LGSN: variants seen among roughly 807,000 people sequenced by gnomAD.
LGSN encodes lengsin.
In LGSN, 21 loss-of-function variants were observed where a neutral mutation model predicts 19.5. That is an observed-to-expected ratio of 1.07 (90% CI 0.76 to 1.55). LGSN has a LOEUF of 1.55. Ranked by LOEUF, LGSN falls within the 40% of genes most tolerant of loss-of-function variation. LGSN has a pLI of 0.00. For synonymous variants in LGSN, 257 were observed against 215.6 expected, an observed-to-expected ratio of 1.19 and a Z score of -1.68; for missense variants, 673 against 608.5, an observed-to-expected ratio of 1.11 and a Z score of -1.12.
At chr6:63,329,198 A>G in the LGSN span, among the ~76,000 whole-genome samples, 1 of 152,350 alleles carries the variant, frequency 6.6e-6, no homozygotes, top group South Asian at 2.1e-4. Context: ...ATCTTGGGCC[A>G]GTGCCTGACC....
At chr6:63,357,554 GT>G in the LGSN span, among the ~76,000 whole-genome samples, 1 of 152,164 alleles carries the variant, frequency 6.6e-6, no homozygotes, top group Non-Finnish European at 1.5e-5. Context: ...TCTCATTGTG[GT>G]TTTTATTTGC....
the LGSN span, among the ~76,000 whole-genome samples, chr6:63,469,646 G>T: frequency 1.3e-5 from 2 of 152,158 alleles, no homozygotes; most frequent in Non-Finnish European, 2.9e-5. Context: ...TTAGGGCTCT[G>T]ATTACACAGT....
At chr6:63,400,114 A>C in the LGSN span, among the ~76,000 whole-genome samples, 1 of 152,352 alleles carries the variant, frequency 6.6e-6, no homozygotes, top group South Asian at 2.1e-4. Context: ...AGTATCGTGA[A>C]GATGGCCTGG....
the LGSN span, among the ~76,000 whole-genome samples, chr6:63,541,980 T>C: frequency 1.3e-5 from 2 of 151,952 alleles, no homozygotes; most frequent in Non-Finnish European, 2.9e-5. Flanking sequence ...TAGAATTTCC[T>C]CCATGTTTTA....
the LGSN span, among the ~76,000 whole-genome samples, chr6:63,327,933 C>T: frequency 5.3e-5 from 8 of 152,260 alleles, no homozygotes; most frequent in Non-Finnish European, 8.8e-5. Context: ...GTTCCTGCAC[C>T]GTGTGCAGTA....
chr6:63,318,109 A>T (rs1260170674), intron 1 of LGSN, among the ~76,000 whole-genome samples: 2 of 152,198 alleles, frequency 1.3e-5, no homozygotes, highest in African/African-American at 2.4e-5. Context: ...ACTTTACAGC[A>T]TTGTTTTAAA....
chr6:63,393,190 T>C, the LGSN span, among the ~76,000 whole-genome samples: 3 of 148,366 alleles, frequency 2.0e-5, no homozygotes, highest in Non-Finnish European at 4.5e-5. Context: ...CCAGCCAAGA[T>C]GGAGTCTCAC....
chr6:63,550,740 C>CCCAG, the LGSN span, among the ~76,000 whole-genome samples: 1 of 151,406 alleles, frequency 6.6e-6, no homozygotes, highest in African/African-American at 2.4e-5. Context: ...TTCTCCCAGA[C>CCCAG]CCAGCCTCTG....
chr6:63,313,863 A>ATAC (rs1562019623), intron 1 of LGSN, among the ~76,000 whole-genome samples: 22 of 150,576 alleles, frequency 1.5e-4, no homozygotes, highest in African/African-American at 5.2e-4. Context: ...TAAATAAATA[A>ATAC]ATAAATACAT....
chr6:63,544,073 T>C, the LGSN span, among the ~76,000 whole-genome samples: 1 of 152,170 alleles, frequency 6.6e-6, no homozygotes, highest in African/African-American at 2.4e-5. Flanking sequence ...GGAGTTTCCT[T>C]TTCTGCCTGT....
the LGSN span, among the ~76,000 whole-genome samples, chr6:63,451,901 A>G: frequency 5.8e-3 from 885 of 152,282 alleles, 13 homozygotes; most frequent in African/African-American, 0.02. Context: ...AATTCCTAGA[A>G]TAAACTCACT....
At chr6:63,319,347 C>G (rs1410907348) in intron 1 of LGSN, among the ~76,000 whole-genome samples, 3 of 152,186 alleles carry the variant, frequency 2.0e-5, no homozygotes, top group African/African-American at 7.2e-5. Context: ...GCACTTCAGT[C>G]TTTCAGAATG....
chr6:63,570,552 G>C, the LGSN span, among the ~76,000 whole-genome samples: 1 of 152,168 alleles, frequency 6.6e-6, no homozygotes, highest in African/African-American at 2.4e-5. Context: ...AGGATCTGTG[G>C]ATCACAAGGC....
At chr6:63,557,786 C>T in the LGSN span, among the ~76,000 whole-genome samples, 5 of 151,802 alleles carry the variant, frequency 3.3e-5, no homozygotes, top group South Asian at 2.1e-4. Context: ...AAATATCTTG[C>T]GAAAGAGTTT....
the LGSN span, among the ~76,000 whole-genome samples, chr6:63,401,454 A>G: frequency 6.6e-6 from 1 of 152,140 alleles, no homozygotes; most frequent in African/African-American, 2.4e-5. Context: ...AAAAGTTAAT[A>G]ATTAATAAAT....
chr6:63,352,388 G>T, the LGSN span, among the ~76,000 whole-genome samples: 1 of 152,154 alleles, frequency 6.6e-6, no homozygotes, highest in Non-Finnish European at 1.5e-5. Flanking sequence ...GTTTGGCCAG[G>T]TGTAGTGACT....
At chr6:63,517,167 G>C in the LGSN span, among the ~76,000 whole-genome samples, 1 of 152,028 alleles carries the variant, frequency 6.6e-6, no homozygotes, top group African/African-American at 2.4e-5. Flanking sequence ...ATTAAACAAG[G>C]ATAATATTAT....
At chr6:63,548,203 T>A in the LGSN span, among the ~76,000 whole-genome samples, 1 of 152,232 alleles carries the variant, frequency 6.6e-6, no homozygotes, top group Non-Finnish European at 1.5e-5. Flanking sequence ...TAACACTTTC[T>A]GCATTACTGT....
At chr6:63,288,471 A>G (rs1050545912) in intron 2 of LGSN, among the ~76,000 whole-genome samples, 1 of 151,878 alleles carries the variant, frequency 6.6e-6, no homozygotes, top group Non-Finnish European at 1.5e-5. Flanking sequence ...TGGAAAAAAA[A>G]AAAACCATAA....
Sources: allele counts gnomAD v4.1 joint callset (sites outside exome capture counted in the v4.1 genomes callset), GRCh38; gene constraint gnomAD v4.1.1; transcripts MANE v1.5; gene names NCBI Gene and HGNC (gene_info 2026-07-23, HGNC 2026-07-21).